Variants in WDR25 observed in about 807,000 individuals in gnomAD.
The protein encoded by WDR25 is WD repeat domain 25, also known as WD repeat-containing protein 25.
A neutral mutation model predicts 47.7 loss-of-function variants in WDR25; 35 were observed. That is an observed-to-expected ratio of 0.73 (90% CI 0.56 to 0.97). The LOEUF (loss-of-function observed/expected upper bound fraction) is 0.97, where lower values mean the gene tolerates loss of function less well. Ranked by LOEUF, WDR25 falls within the 50% of genes least tolerant of loss-of-function variation. The pLI, the probability that WDR25 is intolerant of heterozygous loss-of-function variation, is 0.00. For missense variants in WDR25, 634 were observed against 704.7 expected (o/e 0.90, Z 1.14); for synonymous variants, 248 against 278.9 (o/e 0.89, Z 1.10).
In WDR25 at chr14:100,502,741, CA is replaced by C. The variant is rs1236912854; in HGVS notation, c.1101+18618del. ...TGCTTGGGGGCTAATGAAAGACTCACAGAAGAAGGAGCTAATGATTTTGCTT... is the reference window on the plus strand; with the variant it reads ...TGCTTGGGGGCTAATGAAAGACTCACGAAGAAGGAGCTAATGATTTTGCTT... On this transcript the variant is annotated intron_variant, in intron 4 of 6. Transcript: ENST00000402312. The surrounding 1 kb of genome is among the most constrained non-coding windows in gnomAD (Gnocchi z 4.5). 1.3e-5 allele frequency among the ~76,000 whole-genome samples: 2 copies of C among 152,192 alleles called. No homozygotes were observed. Among genetic ancestry groups the C allele is most frequent in the African/African-American group, 2.4e-5 (1 of 41,446 alleles).
chr14:100,528,581 T>C (rs1009206284), intron 5 of WDR25, among the ~76,000 whole-genome samples: 48 of 152,114 alleles, frequency 3.2e-4, no homozygotes, highest in African/African-American at 1.0e-3. Context: ...TGGCTTTCTT[T>C]CTATGAGGCT....
In WDR25 at chr14:100,525,868, A is replaced by G. The variant is rs1477821958; in HGVS notation, c.1102-2A>G. 6.2e-7 allele frequency: 1 copy of G among 1,613,238 alleles called. No homozygotes were observed. The highest frequency in any genetic ancestry group is 1.3e-5 in the African/African-American group (1 of 74,876). ...CAGCATGACCGGTGTCCGCTCTTGC[A>G]GGTGATGAGAAGCTACAAGGCGACC... On this transcript the variant is annotated splice_acceptor_variant, in intron 4 of 6. Transcript: ENST00000402312. LOFTEE classifies it high-confidence loss of function. This position sits in a 1 kb window ranked among gnomAD's most constrained non-coding sequence, Gnocchi z 4.6.
At chr14:100,413,551 C>G (rs2140195869) in intron 2 of WDR25, among the ~76,000 whole-genome samples, 1 of 151,910 alleles carries the variant, frequency 6.6e-6, no homozygotes, top group South Asian at 2.1e-4. Flanking sequence ...GTAGCTGGGA[C>G]TACAGGCGCC....
rs1489874007 is a variant in WDR25 at position 100,381,580 on chromosome 14, A to T, written c.656A>T (p.Glu219Val). Residue 219 changes from glutamate to valine, a missense_variant, in exon 2 of 7, where the codon GAG becomes GTG. Coordinates refer to ENST00000402312, the MANE Select transcript of WDR25 (RefSeq NM_001161476.3). ...CTCTACGTGGGCCCGGGAGTGTCTG[A>T]GTTTATTCAGCCATATTTGAATAGC... ...APLYVGPGVSEFIQPYLNSHY... is the reference protein window; with the variant it reads ...APLYVGPGVSVFIQPYLNSHY... The T allele has an allele frequency of 6.2e-6, 10 of 1,609,618 alleles. No homozygotes were observed. The highest frequency in any genetic ancestry group is 5.9e-6 in the Non-Finnish European group (7 of 1,177,014).
Position 100,456,213 on chromosome 14 carries a change from G to A in WDR25, c.823-11808G>A, listed in dbSNP as rs554802793. ...TCTCAAAAAATTAGGTAGGCATGGT[G>A]ACATGCACCTGTAGTCCCAGCCACT... On this transcript the variant is annotated intron_variant, in intron 2 of 6. Coordinates refer to ENST00000402312, the MANE Select transcript of WDR25 (RefSeq NM_001161476.3). Among the ~76,000 whole-genome samples the A allele has an allele frequency of 4.6e-5, 7 of 152,282 alleles. No homozygotes were observed. In the South Asian group the frequency reaches 1.5e-3, roughly 32 times the overall value.
In WDR25 at chr14:100,430,787, G is replaced by C. The variant is rs1161673765; in HGVS notation, c.823-37234G>C. Among the ~76,000 whole-genome samples, 1 of 152,154 alleles carries C rather than the reference G, an allele frequency of 6.6e-6. No homozygotes were observed. Among genetic ancestry groups the C allele is most frequent in the African/African-American group, 2.4e-5 (1 of 41,432 alleles). On this transcript the variant is annotated intron_variant, in intron 2 of 6. Transcript: ENST00000402312. This position sits in a 1 kb window ranked among gnomAD's most constrained non-coding sequence, Gnocchi z 4.7. ...GGCCTGCACAGATGAGGCTTGCTTC[G>C]TGCTCCCCAGCCTGGCAACGTGGAC...
intron 2 of WDR25, among the ~76,000 whole-genome samples, chr14:100,460,951 C>T (rs909245308): frequency 1.3e-5 from 2 of 152,174 alleles, no homozygotes; most frequent in Admixed American, 6.5e-5. Context: ...CACAGTGGCT[C>T]ATGCTGTAAT....
intron 2 of WDR25, among the ~76,000 whole-genome samples, chr14:100,434,903 T>C (rs1898453931): frequency 6.6e-6 from 1 of 152,216 alleles, no homozygotes; most frequent in South Asian, 2.1e-4. Context: ...CAGTTTGCCG[T>C]TTCTCATTTA....
chr14:100,448,917 G>C (rs1898930438), intron 2 of WDR25, among the ~76,000 whole-genome samples: 1 of 151,976 alleles, frequency 6.6e-6, no homozygotes, highest in Non-Finnish European at 1.5e-5. Context: ...ACCAGGTGGA[G>C]ACAGAGGAAT....
At chr14:100,413,538 C>T (rs944032087) in intron 2 of WDR25, among the ~76,000 whole-genome samples, 1 of 152,162 alleles carries the variant, frequency 6.6e-6, no homozygotes, top group Non-Finnish European at 1.5e-5. Context: ...CTCAGCCTCC[C>T]GAGTAGCTGG....
chr14:100,491,163 C>T (rs1482909437), intron 4 of WDR25, among the ~76,000 whole-genome samples: 1 of 152,232 alleles, frequency 6.6e-6, no homozygotes, highest in Non-Finnish European at 1.5e-5. Flanking sequence ...CGCCATGGCT[C>T]ATTTCCTCGT....
intron 3 of WDR25, among the ~76,000 whole-genome samples, chr14:100,473,012 G>A (rs1001472168): frequency 6.6e-6 from 1 of 152,248 alleles, no homozygotes; most frequent in African/African-American, 2.4e-5. Flanking sequence ...AGCCAACTGG[G>A]ACTGGGCTCA....
chr14:100,438,215 G>T lies in WDR25; in HGVS notation c.823-29806G>T, dbSNP rs200816656. Among the ~76,000 whole-genome samples the T allele has an allele frequency of 2.0e-4, 30 of 152,290 alleles. No individual in the cohort carries two copies. The East Asian group carries it at 3.5e-3, about 18-fold the overall frequency. On this transcript the variant is annotated intron_variant, in intron 2 of 6. Coordinates refer to ENST00000402312, the MANE Select transcript of WDR25 (RefSeq NM_001161476.3). ...AGACAGGCACGTAGTGAAATAATTT[G>T]ATTTGTTCAGTAAACTTGGTTTCAG... is the stretch of plus-strand genomic sequence containing the variant.
intron 5 of WDR25, among the ~76,000 whole-genome samples, chr14:100,527,343 CATT>C (rs2030235553): frequency 6.6e-6 from 1 of 152,202 alleles, no homozygotes; most frequent in Non-Finnish European, 1.5e-5. Context: ...CTACCGTCAT[CATT>C]GTCACCACTA....
chr14:100,431,837 G>A (rs183363953), intron 2 of WDR25, among the ~76,000 whole-genome samples: 30 of 152,092 alleles, frequency 2.0e-4, no homozygotes, highest in Admixed American at 1.4e-3. Flanking sequence ...AGCCTCCCAA[G>A]TAGCTAGGAT....
chr14:100,482,605 T>C (rs764691483), intron 3 of WDR25, among the ~76,000 whole-genome samples: 3 of 152,182 alleles, frequency 2.0e-5, no homozygotes, highest in Non-Finnish European at 2.9e-5. Context: ...GAAAGCCTTC[T>C]GCTGGGACTG....
intron 4 of WDR25, among the ~76,000 whole-genome samples, chr14:100,489,224 A>G (rs1900483820): frequency 6.6e-6 from 1 of 152,258 alleles, no homozygotes; most frequent in South Asian, 2.1e-4. Flanking sequence ...ACTGAGGCTG[A>G]GCTCCTCTGC....
chr14:100,383,086 T>C (rs550142284), intron 2 of WDR25, among the ~76,000 whole-genome samples: 30 of 152,346 alleles, frequency 2.0e-4, no homozygotes, highest in African/African-American at 6.7e-4. Flanking sequence ...GCTCCAAGTA[T>C]AGAGATGTCT....
intron 2 of WDR25, among the ~76,000 whole-genome samples, chr14:100,413,400 C>T (rs1321315709): frequency 6.7e-6 from 1 of 149,906 alleles, no homozygotes; most frequent in Non-Finnish European, 1.5e-5. Context: ...AAAGTAATTG[C>T]GGTTTTTGCC....
Sources: allele counts gnomAD v4.1 joint callset (sites outside exome capture counted in the v4.1 genomes callset), GRCh38; gene constraint gnomAD v4.1.1; non-coding constraint Gnocchi (gnomAD v3.1); transcripts MANE v1.5; gene names NCBI Gene and HGNC (gene_info 2026-07-23, HGNC 2026-07-21).